Variants in DIPK2B observed in about 807,000 individuals in gnomAD.
DIPK2B encodes divergent protein kinase domain 2B.
DIPK2B carries 15 observed loss-of-function variants against 22.2 expected under a neutral mutation model. The observed-to-expected ratio is 0.68, with a 90% CI of 0.45 to 1.04. The LOEUF (loss-of-function observed/expected upper bound fraction) is 1.04. DIPK2B is among the 50% of genes least tolerant of loss of function. DIPK2B has a pLI of 0.00. For missense variants in DIPK2B, 345 were observed against 348.3 expected, an observed-to-expected ratio of 0.99 and a Z score of 0.08; for synonymous variants, 163 against 153.2, an observed-to-expected ratio of 1.06 and a Z score of -0.47.
chrX:45,167,096 CTG>C (rs2047052609), intron 2 of DIPK2B, among the ~76,000 whole-genome samples: 2 of 112,489 alleles, frequency 1.8e-5, no homozygotes, highest in Non-Finnish European at 3.7e-5. Context: ...GATTCAATAA[CTG>C]TCTCAGCTGT....
intron 2 of DIPK2B, among the ~76,000 whole-genome samples, chrX:45,181,517 A>G (rs1198574259): frequency 8.9e-6 from 1 of 112,279 alleles, no homozygotes; most frequent in Non-Finnish European, 1.9e-5. Flanking sequence ...ATAATACACC[A>G]ATGGAATACA....
intron 2 of DIPK2B, among the ~76,000 whole-genome samples, chrX:45,178,655 GA>G (rs1361170758): frequency 9.0e-6 from 1 of 111,552 alleles, no homozygotes; most frequent in African/African-American, 3.3e-5. Context: ...AAATGGCTGG[GA>G]TTTGGGAGAC....
At chrX:45,196,267 G>T (rs1172690356) in intron 1 of DIPK2B, among the ~76,000 whole-genome samples, 1 of 111,244 alleles carries the variant, frequency 9.0e-6, no homozygotes, top group Non-Finnish European at 1.9e-5. Context: ...AATGCATGGA[G>T]GGTCACCTGA....
chrX:45,175,919 A>G lies in DIPK2B; in HGVS notation c.498+15832T>C, dbSNP rs2047115650. On this transcript the variant is annotated intron_variant, in intron 2 of 4. Coordinates refer to ENST00000398000, the MANE Select transcript of DIPK2B (RefSeq NM_176819.4). ...GGTGAGAAGCAAGGAAATGGGTCAC[A>G]TTGCTCTTTGAAGCAGGCCTGAAGT... is the stretch of plus-strand genomic sequence containing the variant. Among the ~76,000 whole-genome samples the G allele has an allele frequency of 1.8e-5, 2 of 108,172 alleles. 1 individual carries two copies. The highest frequency in any genetic ancestry group is 8.4e-4 in the South Asian group (2 of 2,372). The allele number at this position is 108,172 out of a possible 115,157, so 93.9% of individuals were successfully genotyped here.
chrX:45,179,223 C>A (rs2047135575), intron 2 of DIPK2B, among the ~76,000 whole-genome samples: 1 of 111,277 alleles, frequency 9.0e-6, no homozygotes, highest in East Asian at 2.8e-4. Context: ...TGTCAATAGT[C>A]TTGAGATTGC....
At chrX:45,191,205 G>A (rs1304244038) in intron 2 of DIPK2B, among the ~76,000 whole-genome samples, 1 of 112,781 alleles carries the variant, frequency 8.9e-6, no homozygotes, top group African/African-American at 3.2e-5. Flanking sequence ...CCATGGGAGT[G>A]GGTGGGAGGC....
At chrX:45,183,986 G>A in intron 2 of DIPK2B, among the ~76,000 whole-genome samples, 1 of 111,785 alleles carries the variant, frequency 8.9e-6, no homozygotes, top group East Asian at 2.8e-4. Context: ...CAAGTTGACA[G>A]GCTAGAATAA....
chrX:45,186,616 G>A (rs2047184449), intron 2 of DIPK2B, among the ~76,000 whole-genome samples: 2 of 112,478 alleles, frequency 1.8e-5, no homozygotes, highest in Admixed American at 1.9e-4. Flanking sequence ...AAACAAACAA[G>A]CAAATGGAAA....
chrX:45,176,338 A>C (rs1187690596), intron 2 of DIPK2B, among the ~76,000 whole-genome samples: 1 of 111,735 alleles, frequency 8.9e-6, no homozygotes, highest in Non-Finnish European at 1.9e-5. Flanking sequence ...CCCTGAGGAA[A>C]GGACTATAGT....
At chrX:45,176,173 ATT>A (rs1015544081) in intron 2 of DIPK2B, among the ~76,000 whole-genome samples, 1 of 110,691 alleles carries the variant, frequency 9.0e-6, no homozygotes, top group East Asian at 2.9e-4. Context: ...AGGGGGCATA[ATT>A]TTTTCACCAC....
intron 2 of DIPK2B, among the ~76,000 whole-genome samples, chrX:45,175,985 G>A (rs1447071472): frequency 1.8e-5 from 2 of 108,515 alleles, no homozygotes; most frequent in African/African-American, 6.7e-5. Flanking sequence ...GATTCTGAGG[G>A]TGCTGTAGGG....
intron 2 of DIPK2B, among the ~76,000 whole-genome samples, chrX:45,158,223 G>A (rs979530010): frequency 3.6e-5 from 4 of 110,234 alleles, no homozygotes; most frequent in Non-Finnish European, 7.6e-5. Flanking sequence ...ACAGAGAAGG[G>A]AATGAGCTCT....
chrX:45,149,477 A>G lies in DIPK2B; in HGVS notation c.*2175T>C, dbSNP rs758532662. 1.6e-4 allele frequency: 18 copies of G among 113,242 alleles called. No individual in the cohort carries two copies. The highest frequency in any genetic ancestry group is 5.8e-4 in the African/African-American group (18 of 31,153). The allele number at this position is 113,242 out of a possible 1,213,427, so 9.3% of individuals were successfully genotyped here. ...AGCTTGGCCAGTCATCTTCACTGTC[A>G]TGGTTGCCCTGGGGCAATGCCCGTA... On this transcript the variant is annotated 3_prime_UTR_variant, in exon 5 of 5. Transcript: ENST00000398000.
chrX:45,181,895 A>C (rs987799024), intron 2 of DIPK2B, among the ~76,000 whole-genome samples: 1 of 111,323 alleles, frequency 9.0e-6, no homozygotes, highest in Non-Finnish European at 1.9e-5. Context: ...CAGCCTGGAC[A>C]ATACAGTGAG....
intron 2 of DIPK2B, chrX:45,162,799 G>A: frequency 2.7e-6 from 2 of 753,877 alleles, no homozygotes; most frequent in South Asian, 6.7e-5. Context: ...TTCTTGTCTG[G>A]TGCTATCCCT....
chrX:45,164,553 A>G, intron 2 of DIPK2B, among the ~76,000 whole-genome samples: 1 of 111,686 alleles, frequency 9.0e-6, no homozygotes, highest in Middle Eastern at 4.6e-3. Flanking sequence ...TGGGAGTTGA[A>G]CAATGAGAAT....
chrX:45,153,830 G>C (rs1425833825), intron 4 of DIPK2B, 80 bp downstream of exon 4: 7 of 899,105 alleles, frequency 7.8e-6, no homozygotes, highest in Non-Finnish European at 9.3e-6. Flanking sequence ...CCAATAGCAT[G>C]ACCCCTGGCC....
chrX:45,170,366 C>T (rs1457601447), intron 2 of DIPK2B, among the ~76,000 whole-genome samples: 1 of 112,171 alleles, frequency 8.9e-6, no homozygotes, highest in Non-Finnish European at 1.9e-5. Context: ...CACCCACCGA[C>T]TCCTGTCTTA....
intron 2 of DIPK2B, among the ~76,000 whole-genome samples, chrX:45,161,717 T>A (rs747944956): frequency 1.7e-3 from 193 of 111,985 alleles, no homozygotes; most frequent in Non-Finnish European, 2.7e-3. Context: ...TGAAGATATT[T>A]GTTGGTAGCA....
Sources: gnomAD v4.1 joint callset for allele counts (sites outside exome capture counted in the v4.1 genomes callset) on GRCh38, gnomAD v4.1.1 for gene constraint, MANE v1.5 for transcripts, NCBI Gene and HGNC (gene_info 2026-07-23, HGNC 2026-07-21) for gene names.